CCDC39: variants seen among roughly 807,000 people sequenced by gnomAD.
CCDC39 encodes coiled-coil domain-containing protein 39.
Under a neutral mutation model 121.0 loss-of-function variants are expected in CCDC39, and 113 were observed. That is an observed-to-expected ratio of 0.93 (90% CI 0.80 to 1.09). The LOEUF (loss-of-function observed/expected upper bound fraction) is 1.09, where lower values mean the gene tolerates loss of function less well. Ranked by LOEUF, CCDC39 falls within the 50% of genes least tolerant of loss-of-function variation. The pLI is 0.00. For synonymous variants in CCDC39, 349 were observed against 352.2 expected (o/e 0.99, Z 0.10); for missense variants, 1,063 against 1,074.7 (o/e 0.99, Z 0.15).
intron 1 of CCDC39, among the ~76,000 whole-genome samples, chr3:180,665,462 T>C (rs139888167): frequency 1.3e-5 from 2 of 152,290 alleles, no homozygotes; most frequent in African/African-American, 4.8e-5. Context: ...AATATTAGAA[T>C]TTCAATTTAA....
intron 16 of CCDC39, chr3:180,617,557 A>G (rs916607106): frequency 2.7e-5 from 16 of 597,900 alleles, no homozygotes; most frequent in Non-Finnish European, 4.6e-5. Flanking sequence ...GATGATCCTG[A>G]CCACGGGTAG....
intron 1 of CCDC39, among the ~76,000 whole-genome samples, chr3:180,678,441 T>G (rs910541262): frequency 2.6e-5 from 4 of 152,192 alleles, no homozygotes; most frequent in African/African-American, 9.7e-5. Context: ...TTGGACCTTC[T>G]TCTACACAAC....
chr3:180,615,220 C>A, intron 19 of CCDC39, 143 bp from the exon 20 acceptor site: 1 of 566,334 alleles, frequency 1.8e-6, no homozygotes. Flanking sequence ...TTTTAAATGA[C>A]CATCAATAGA....
rs1183887845 is a variant in CCDC39, at chr3:180,679,225, T to C, written c.90+66A>G. The C allele has an allele frequency of 8.1e-7, 1 of 1,240,376 alleles. No individual in the cohort carries two copies. The highest frequency in any genetic ancestry group is 1.2e-6 in the Non-Finnish European group (1 of 838,690). 76.8% of individuals were successfully genotyped at this position (1,240,376 alleles called of 1,614,324 possible). Reference sequence around the variant, plus strand: ...AGAAATAAAAGGGCTGGGGTAGTACTGCCAACCAGAAAACGCCCCCAACAG... The same window carrying C: ...AGAAATAAAAGGGCTGGGGTAGTACCGCCAACCAGAAAACGCCCCCAACAG... On this transcript the variant is annotated intron_variant, in intron 1 of 19. Coordinates refer to ENST00000476379, the MANE Select transcript of CCDC39 (RefSeq NM_181426.2). This position sits in a 1 kb window ranked among gnomAD's most constrained non-coding sequence, Gnocchi z 4.0.
chr3:180,629,117 A>G (rs543522430), intron 14 of CCDC39, among the ~76,000 whole-genome samples: 1 of 152,350 alleles, frequency 6.6e-6, no homozygotes, highest in African/African-American at 2.4e-5. Context: ...CAAATATGAA[A>G]TGAACTTTTA....
chr3:180,631,382 T>G (rs866533520), intron 14 of CCDC39, 87 bp downstream of exon 14: 15 of 1,275,188 alleles, frequency 1.2e-5, no homozygotes, highest in Middle Eastern at 4.1e-4. Context: ...AATATTGTTG[T>G]TTTTTTATTT....
At chr3:180,650,360 A>T (rs1195073736) in intron 9 of CCDC39, among the ~76,000 whole-genome samples, 1 of 152,218 alleles carries the variant, frequency 6.6e-6, no homozygotes, top group East Asian at 1.9e-4. Context: ...GATGATAAAG[A>T]AGTACAAATC....
chr3:180,658,681 G>C (rs1186385900), intron 6 of CCDC39, among the ~76,000 whole-genome samples: 3 of 151,900 alleles, frequency 2.0e-5, no homozygotes, highest in South Asian at 2.1e-4. Flanking sequence ...AACCAGTTTT[G>C]TTGATAAAAT....
intron 10 of CCDC39, among the ~76,000 whole-genome samples, chr3:180,647,532 C>T (rs950265692): frequency 3.3e-5 from 5 of 151,990 alleles, no homozygotes; most frequent in Admixed American, 6.6e-5. Flanking sequence ...TCAGTAAATT[C>T]ACTGGATTTA....
At position 180,657,428 on chromosome 3, in the gene CCDC39, G is replaced by A. The variant is rs796889678; in HGVS notation, c.738+2024C>T. Among the ~76,000 whole-genome samples the A allele has an allele frequency of 3.4e-4, 52 of 152,300 alleles. 2 individuals are homozygous for A. The highest frequency in any genetic ancestry group is 1.2e-3 in the African/African-American group (51 of 41,562). ...GTATGAGAAAACTGATTGTGGATCC[G>A]TAATCTTGGATCTCGCACATGACTG... is the stretch of plus-strand genomic sequence containing the variant. On this transcript the variant is annotated intron_variant, in intron 6 of 19. Coordinates refer to ENST00000476379, the MANE Select transcript of CCDC39 (RefSeq NM_181426.2).
intron 13 of CCDC39, among the ~76,000 whole-genome samples, chr3:180,633,359 T>C (rs953686797): frequency 2.0e-5 from 3 of 152,326 alleles, no homozygotes; most frequent in African/African-American, 7.2e-5. Context: ...GAAGACAATG[T>C]TCAGTCTTCT....
At chr3:180,633,245 G>A (rs554521264) in intron 13 of CCDC39, among the ~76,000 whole-genome samples, 53 of 152,270 alleles carry the variant, frequency 3.5e-4, no homozygotes, top group African/African-American at 1.2e-3. Flanking sequence ...AATATCCACC[G>A]ATTAATAAGC....
At position 180,661,921 on chromosome 3, in the gene CCDC39, A is replaced by C. The variant is rs763798585; in HGVS notation, c.297T>G (p.Asp99Glu). 1.5e-5 allele frequency: 24 copies of C among 1,584,624 alleles called. No homozygotes were observed. The highest frequency in any genetic ancestry group is 1.1e-4 in the Admixed American group (6 of 55,528). The change falls in exon 3 of 20, where the codon GAT becomes GAG. Residue 99 changes from aspartate (D) to glutamate (E), a missense_variant. Physicochemically the swap from Asp to Glu is conservative, Grantham distance 45 (BLOSUM62 2). Coordinates refer to ENST00000476379, the MANE Select transcript of CCDC39 (RefSeq NM_181426.2). The part of the protein sequence containing the change: ...IAQRELGRVK[D>E]EIQRLENEMA... ...TCTCATTTTCCAGCCGTTGAATTTC[A>C]TCTTTCACTCGTCCCAATTCTCTTT...
intron 1 of CCDC39, among the ~76,000 whole-genome samples, chr3:180,670,752 C>T (rs965414773): frequency 6.6e-5 from 10 of 151,020 alleles, no homozygotes; most frequent in Non-Finnish European, 1.3e-4. Flanking sequence ...AGCCTTATCA[C>T]TGATATGGAG....
rs757699907 is a variant in CCDC39, at chr3:180,679,374, T to C, written c.7A>G (p.Ser3Gly). ...CAGTGCAGCTCAGCCAGGAATTCGC[T>C]ACTCATGACTGCAAACGGATAGAGA... MS[S>G]EFLAELHWED... Residue 3 changes from serine to glycine, a missense_variant, in exon 1 of 20, where the codon AGC (serine) becomes GGC (glycine). By Grantham distance (56) the Ser-to-Gly change is moderately conservative. Transcript: ENST00000476379. The surrounding 1 kb of genome is among the most constrained non-coding windows in gnomAD (Gnocchi z 4.0). 54 of 1,613,548 alleles carry C rather than the reference T, an allele frequency of 3.3e-5. No homozygotes were observed. In the Admixed American group the frequency reaches 4.0e-4, roughly 12 times the overall value.
Position 180,628,950 on chromosome 3 carries a change from A to T in CCDC39, c.1998+2519T>A, listed in dbSNP as rs140411761. Among the ~76,000 whole-genome samples, 78 of 152,340 alleles carry T rather than the reference A, an allele frequency of 5.1e-4. No individual in the cohort carries two copies. The East Asian group carries it at 0.015, about 29-fold the overall frequency. On this transcript the variant is annotated intron_variant, in intron 14 of 19. Transcript: ENST00000476379. ...AAGGGAAAAAATTTTGAACTGACTA[A>T]ATTTAAATCCTAAATCTACTACATC...
chr3:180,638,499 A>G (rs372858663), intron 13 of CCDC39, among the ~76,000 whole-genome samples: 42 of 152,268 alleles, frequency 2.8e-4, no homozygotes, highest in African/African-American at 9.6e-4. Context: ...CATTAAATCA[A>G]GAAACAAAAC....
intron 2 of CCDC39, among the ~76,000 whole-genome samples, chr3:180,663,322 T>TTGTAC (rs1400089562): frequency 1.3e-5 from 2 of 152,174 alleles, no homozygotes; most frequent in African/African-American, 4.8e-5. Flanking sequence ...ACCACCATCA[T>TTGTAC]TGTACCTTTC....
chr3:180,653,800 C>T (rs1397088900), intron 7 of CCDC39, among the ~76,000 whole-genome samples: 1 of 152,088 alleles, frequency 6.6e-6, no homozygotes, highest in African/African-American at 2.4e-5. Context: ...ATGTGTAGGT[C>T]CCTTATATAA....
Sources: gnomAD v4.1 joint callset for allele counts (sites outside exome capture counted in the v4.1 genomes callset) on GRCh38, gnomAD v4.1.1 for gene constraint, Gnocchi (gnomAD v3.1) non-coding constraint, MANE v1.5 for transcripts, NCBI Gene and HGNC (gene_info 2026-07-23, HGNC 2026-07-21) for gene names.